Variants in EPHA4 observed in about 807,000 individuals in gnomAD.
EPHA4 encodes the protein ephrin type-A receptor 4.
EPHA4 carries 19 observed loss-of-function variants against 108.3 expected under a neutral mutation model. That is an observed-to-expected ratio of 0.18 (90% CI 0.12 to 0.26). The LOEUF (loss-of-function observed/expected upper bound fraction) is 0.26. Ranked by LOEUF, EPHA4 falls within the 10% of genes least tolerant of loss-of-function variation. The pLI, the probability that EPHA4 is intolerant of heterozygous loss-of-function variation, is 1.00. For synonymous variants in EPHA4, 449 were observed against 455.5 expected, an observed-to-expected ratio of 0.99 and a Z score of 0.18; for missense variants, 917 against 1,254.0, an observed-to-expected ratio of 0.73 and a Z score of 4.06.
At chr2:221,450,206 C>T (rs549252783) in intron 8 of EPHA4, among the ~76,000 whole-genome samples, 3 of 152,218 alleles carry the variant, frequency 2.0e-5, no homozygotes, top group Admixed American at 6.5e-5. Context: ...GTCAGGGGTT[C>T]GCGACCAGCC....
intron 4 of EPHA4, among the ~76,000 whole-genome samples, chr2:221,491,158 G>C (rs1367597724): frequency 6.6e-6 from 1 of 151,990 alleles, no homozygotes; most frequent in East Asian, 1.9e-4. Context: ...GGTTAATTAG[G>C]GGTTTGGTTT....
At chr2:221,531,621 T>C (rs957013929) in intron 3 of EPHA4, among the ~76,000 whole-genome samples, 1 of 152,190 alleles carries the variant, frequency 6.6e-6, no homozygotes, top group African/African-American at 2.4e-5. Context: ...TGATACCTTT[T>C]TCTTCATTGG....
chr2:221,488,974 A>G (rs946988138), intron 4 of EPHA4, among the ~76,000 whole-genome samples: 6 of 152,224 alleles, frequency 3.9e-5, no homozygotes, highest in Admixed American at 3.3e-4. Context: ...GTCAAGATTT[A>G]AAGTAGCCCC....
At chr2:221,450,818 C>T (rs931671848) in intron 8 of EPHA4, among the ~76,000 whole-genome samples, 4 of 152,178 alleles carry the variant, frequency 2.6e-5, no homozygotes, top group Non-Finnish European at 5.9e-5. Flanking sequence ...GCCTGGTTAT[C>T]AGTAATACTT....
chr2:221,478,727 T>G (rs1000886671), intron 5 of EPHA4, among the ~76,000 whole-genome samples: 2 of 149,792 alleles, frequency 1.3e-5, no homozygotes, highest in African/African-American at 2.5e-5. Context: ...GACCTGTCTA[T>G]CTGCCTATCT....
In EPHA4 at chr2:221,537,841, G is replaced by C. The variant is rs975093232; in HGVS notation, c.823+25890C>G. On this transcript the variant is annotated intron_variant, in intron 3 of 17. Transcript: ENST00000281821. Reference sequence around the variant, plus strand: ...GAAAGACAAAGATGACGATGACGAAGAAGGAGGAGGAGGAGATTATCAATA... The same window carrying C: ...GAAAGACAAAGATGACGATGACGAACAAGGAGGAGGAGGAGATTATCAATA... Among the ~76,000 whole-genome samples, 5 of 152,178 alleles carry C rather than the reference G, an allele frequency of 3.3e-5. No individual in the cohort carries two copies. The East Asian group carries it at 9.6e-4, about 29-fold the overall frequency.
chr2:221,448,700 T>C (rs1433219058), intron 8 of EPHA4, among the ~76,000 whole-genome samples: 1 of 152,168 alleles, frequency 6.6e-6, no homozygotes, highest in Non-Finnish European at 1.5e-5. Context: ...TTATCAGAGC[T>C]CCTAAAAGCA....
rs1192946412 is a variant in EPHA4 at position 221,418,730 on chromosome 2, A to T, written c.*2642T>A. On this transcript the variant is annotated 3_prime_UTR_variant, in exon 18 of 18. Coordinates refer to ENST00000281821, the MANE Select transcript of EPHA4 (RefSeq NM_004438.5). ...GGGGTAGTTTCCCACTGCTCTAGAG[A>T]TCGGCACATGAGTTAGCATTGGAGC... 6.6e-6 allele frequency: 1 copy of T among 152,338 alleles called. No individual in the cohort carries two copies. Among genetic ancestry groups the T allele is most frequent in the African/African-American group, 2.4e-5 (1 of 41,432 alleles). 9.4% of individuals were successfully genotyped at this position (152,338 alleles called of 1,614,324 possible). A position where few individuals can be genotyped will look rare whatever the true frequency, so the allele number is the denominator to read the frequency against.
intron 1 of EPHA4, among the ~76,000 whole-genome samples, chr2:221,569,644 CCT>C (rs1694768906): frequency 6.7e-6 from 1 of 150,086 alleles, no homozygotes; most frequent in Non-Finnish European, 1.5e-5. Context: ...GAATTCAAAA[CCT>C]CTCTTTCCCA....
intron 7 of EPHA4, 79 bp from the exon 8 acceptor site, chr2:221,455,737 G>C: frequency 2.0e-6 from 2 of 1,007,310 alleles, no homozygotes; most frequent in Non-Finnish European, 3.1e-6. Context: ...ACAGTTTTCA[G>C]TGTTCTGAAG....
At chr2:221,426,189 G>T in intron 16 of EPHA4, 47 bp from the exon 17 acceptor site, 1 of 1,501,752 alleles carries the variant, frequency 6.7e-7, no homozygotes, top group South Asian at 1.1e-5. Context: ...CACAGGGACT[G>T]ACAATCTCTT....
intron 5 of EPHA4, among the ~76,000 whole-genome samples, chr2:221,463,416 T>C (rs1445628118): frequency 6.6e-6 from 1 of 152,194 alleles, no homozygotes; most frequent in African/African-American, 2.4e-5. Context: ...CCCCATTTGC[T>C]ATGTACCTGT....
Position 221,523,663 on chromosome 2 carries a change from G to A in EPHA4, c.824-22491C>T, listed in dbSNP as rs1350058722. Among the ~76,000 whole-genome samples, 7 of 150,840 alleles carry A rather than the reference G, an allele frequency of 4.6e-5. 1 individual carries two copies. Among genetic ancestry groups the A allele is most frequent in the South Asian group, 2.1e-4 (1 of 4,680 alleles). ...GGCTGGAGTGCAGTGGTGTGATCCC[G>A]GCTCACTGCAACCTCCATCTCTGAG... is the stretch of plus-strand genomic sequence containing the variant. On this transcript the variant is annotated intron_variant, in intron 3 of 17. Coordinates refer to ENST00000281821, the MANE Select transcript of EPHA4 (RefSeq NM_004438.5).
intron 3 of EPHA4, among the ~76,000 whole-genome samples, chr2:221,509,856 G>T (rs1444880191): frequency 6.6e-6 from 1 of 152,232 alleles, no homozygotes; most frequent in Admixed American, 6.5e-5. Context: ...AGCAAGGGCA[G>T]TGGGAGACAT....
At chr2:221,501,723 C>CA (rs1300413804) in intron 3 of EPHA4, among the ~76,000 whole-genome samples, 4 of 151,614 alleles carry the variant, frequency 2.6e-5, no homozygotes, top group Admixed American at 6.6e-5. Flanking sequence ...CAAGTGCTGA[C>CA]AAAAAAACCG....
intron 15 of EPHA4, among the ~76,000 whole-genome samples, chr2:221,427,325 C>G (rs138233048): frequency 6.4e-4 from 98 of 152,300 alleles, no homozygotes; most frequent in African/African-American, 2.2e-3. Flanking sequence ...AAATTCAAAG[C>G]ACTTCTTATT....
intron 8 of EPHA4, among the ~76,000 whole-genome samples, chr2:221,450,713 C>T (rs140800499): frequency 6.6e-6 from 1 of 151,872 alleles, no homozygotes; most frequent in East Asian, 1.9e-4. Flanking sequence ...CTTCTTTTTC[C>T]TTATCCAGGT....
chr2:221,538,130 C>T (rs908441986), intron 3 of EPHA4, among the ~76,000 whole-genome samples: 30 of 152,186 alleles, frequency 2.0e-4, no homozygotes, highest in Middle Eastern at 3.4e-3. Flanking sequence ...GAGTCTAAAA[C>T]GTAGTGGGAT....
chr2:221,429,990 G>C lies in EPHA4; in HGVS notation c.2658C>G (p.Asn886Lys). 6.2e-7 allele frequency: 1 copy of C among 1,613,938 alleles called. No homozygotes were observed. The highest frequency in any genetic ancestry group is 1.1e-5 in the South Asian group (1 of 91,026). Residue 886 changes from asparagine to lysine, a missense_variant, in exon 15 of 18, where the codon AAC (asparagine) becomes AAG (lysine). Asn to Lys is a moderately conservative substitution (Grantham distance 94). Coordinates refer to ENST00000281821, the MANE Select transcript of EPHA4 (RefSeq NM_004438.5). The stretch of plus-strand genomic sequence containing the variant: ...TCTCCGTCCCTGTCCTCTTCAAGCT[G>C]TTGGGGTTGCGGATGAGTTTGTCCA... ...NMLDKLIRNP[N>K]SLKRTGTESS...
Sources: allele counts gnomAD v4.1 joint callset (sites outside exome capture counted in the v4.1 genomes callset), GRCh38; gene constraint gnomAD v4.1.1; transcripts MANE v1.5; gene names NCBI Gene and HGNC (gene_info 2026-07-23, HGNC 2026-07-21).